Variants in LRRC23 observed in about 807,000 individuals in gnomAD.
LRRC23 encodes the protein leucine-rich repeat-containing protein 23.
LRRC23 carries 28 observed loss-of-function variants against 37.7 expected under a neutral mutation model. The ratio of observed to expected loss-of-function variants is 0.74; its 90% CI spans 0.55 to 1.02. The LOEUF (loss-of-function observed/expected upper bound fraction) is 1.02, where lower values mean the gene tolerates loss of function less well. LRRC23 is among the 50% of genes least tolerant of loss of function. The pLI, the probability that LRRC23 is intolerant of heterozygous loss-of-function variation, is 0.00. For synonymous variants in LRRC23, 161 were observed against 165.4 expected (o/e 0.97, Z 0.20); for missense variants, 377 against 413.2 (o/e 0.91, Z 0.76).
In LRRC23 at chr12:6,913,719, C is replaced by T. The variant is rs569770182; in HGVS notation, c.*25-172C>T. 5.6e-5 allele frequency: 26 copies of T among 461,718 alleles called. 1 individual carries two copies. Among genetic ancestry groups the T allele is most frequent in the African/African-American group, 4.6e-4 (23 of 49,556 alleles). The allele number at this position is 461,718 out of a possible 1,614,324, so 28.6% of individuals were successfully genotyped here. A position where few individuals can be genotyped will look rare whatever the true frequency, so the allele number is the denominator to read the frequency against. ...AGCTGGGACTACAGGCGCATGCAAC[C>T]GCGCCTGGCTAATTTTTGTATTTTT... On this transcript the variant is annotated intron_variant, in intron 7 of 7. Coordinates refer to ENST00000443597, the MANE Select transcript of LRRC23 (RefSeq NM_001135217.2).
In LRRC23 at chr12:6,913,551, G is replaced by GTTTTTTTTTTTTTTTTTTTTTT. The variant is rs1248085636; in HGVS notation, c.*25-337_*25-336insTTTTTTTTTTTTTTTTTTTTTT. Among the ~76,000 whole-genome samples, 21 of 78,174 alleles carry GTTTTTTTTTTTTTTTTTTTTTT rather than the reference G, an allele frequency of 2.7e-4. 7 individuals carry two copies. The highest frequency in any genetic ancestry group is 6.7e-4 in the African/African-American group (13 of 19,546). 51.3% of individuals were successfully genotyped at this position (78,174 alleles called of 152,430 possible). On this transcript the variant is annotated intron_variant, in intron 7 of 7. Transcript: ENST00000443597. ...TAGGGGAGAGGCTTTATTTACCTCT[G>GTTTTTTTTTTTTTTTTTTTTTT]TTTGTTTTTTTTTTTTTTTTTTTTT...
At chr12:6,910,661 T>C (rs1317535237) in intron 6 of LRRC23, among the ~76,000 whole-genome samples, 1 of 152,020 alleles carries the variant, frequency 6.6e-6, no homozygotes, top group Non-Finnish European at 1.5e-5. Context: ...TGAGCTGAGA[T>C]AAAGCCGCTG....
chr12:6,907,510 C>A, intron 5 of LRRC23, 65 bp downstream of exon 5: 1 of 1,520,422 alleles, frequency 6.6e-7, no homozygotes, highest in Non-Finnish European at 9.1e-7. Flanking sequence ...AGGATGCCTG[C>A]TTTCTAGTAG....
rs782122756 is a variant in LRRC23, at chr12:6,913,890, G to A, written c.*25-1G>A. Reference sequence around the variant, plus strand: ...TATTTACTTCTGTCTTCTACCTCCAGGAGATCAAAGACGCTGGCCTTCAGA... The same window carrying A: ...TATTTACTTCTGTCTTCTACCTCCAAGAGATCAAAGACGCTGGCCTTCAGA... On this transcript the variant is annotated splice_acceptor_variant, in intron 7 of 7. Coordinates refer to ENST00000443597, the MANE Select transcript of LRRC23 (RefSeq NM_001135217.2). LOFTEE classifies it low-confidence loss of function (3UTR_SPLICE). 6.3e-7 allele frequency: 1 copy of A among 1,584,638 alleles called. No individual in the cohort carries two copies. The highest frequency in any genetic ancestry group is 8.6e-7 in the Non-Finnish European group (1 of 1,166,686).
At chr12:6,905,353 T>G in intron 1 of LRRC23, 2 of 282,718 alleles carry the variant, frequency 7.1e-6, no homozygotes, top group Non-Finnish European at 1.4e-5. Context: ...AGAGCTGGAG[T>G]CACTGTGAAG....
At chr12:6,909,393 ATAT>A (rs368094405) in intron 5 of LRRC23, among the ~76,000 whole-genome samples, 4,457 of 42,790 alleles carry the variant, frequency 0.1, 331 homozygotes, top group African/African-American at 0.15. Context: ...TAATATATAA[ATAT>A]TATATATAAT....
At chr12:6,906,246 AC>A (rs1358051813) in intron 3 of LRRC23, among the ~76,000 whole-genome samples, 162 bp from the exon 4 acceptor site, 2 of 152,014 alleles carry the variant, frequency 1.3e-5, no homozygotes, top group African/African-American at 4.8e-5. Flanking sequence ...ACTGTTAAGA[AC>A]CCACCTACCT....
At position 6,910,838 on chromosome 12, in the gene LRRC23, G is replaced by A. The variant is rs781807897; in HGVS notation, c.758+812G>A. ...AGGCTGAGGTTGGAGGATCACTTGA[G>A]CCCAGGAGTTCAAGGTTGCAGTGAG... On this transcript the variant is annotated intron_variant, in intron 6 of 7. Coordinates refer to ENST00000443597, the MANE Select transcript of LRRC23 (RefSeq NM_001135217.2). Among the ~76,000 whole-genome samples the A allele has an allele frequency of 3.3e-5, 5 of 151,902 alleles. No homozygotes were observed. The South Asian group carries it at 8.3e-4, about 25-fold the overall frequency.
intron 1 of LRRC23, 200 bp from the exon 2 acceptor site, chr12:6,905,385 T>C: frequency 2.7e-6 from 1 of 376,238 alleles, no homozygotes; most frequent in South Asian, 2.3e-5. Flanking sequence ...CCTGGGGGTG[T>C]GGGTGACATC....
At chr12:6,908,740 C>T (rs1318573624) in intron 5 of LRRC23, among the ~76,000 whole-genome samples, 5 of 149,076 alleles carry the variant, frequency 3.4e-5, no homozygotes, top group East Asian at 2.0e-4. Flanking sequence ...AGGAGAATGG[C>T]GTGAACCCAG....
At chr12:6,911,462 C>T (rs1945158276) in intron 6 of LRRC23, among the ~76,000 whole-genome samples, 1 of 152,014 alleles carries the variant, frequency 6.6e-6, no homozygotes, top group South Asian at 2.1e-4. Flanking sequence ...ATGGACCCTT[C>T]CTGAGTGGCT....
chr12:6,906,999 T>G (rs1239511715), intron 4 of LRRC23, among the ~76,000 whole-genome samples: 1 of 152,120 alleles, frequency 6.6e-6, no homozygotes, highest in Non-Finnish European at 1.5e-5. Context: ...CAGGTGGCAA[T>G]GTCAAATAGA....
At chr12:6,911,925 C>A (rs2238115) in intron 6 of LRRC23, among the ~76,000 whole-genome samples, 44,794 of 151,890 alleles carry the variant, frequency 0.29, 6,661 homozygotes, top group Middle Eastern at 0.39. Flanking sequence ...ATCACTTGAG[C>A]CCAGGAATTC....
intron 5 of LRRC23, 36 bp downstream of exon 5, chr12:6,907,481 G>A (rs1479004764): frequency 3.7e-6 from 6 of 1,612,762 alleles, no homozygotes; most frequent in East Asian, 2.2e-5. Flanking sequence ...GCAGGGAAGA[G>A]GGCACTGTCC....
At chr12:6,909,316 AT>A (rs1945086417) in intron 5 of LRRC23, among the ~76,000 whole-genome samples, 1 of 17,388 alleles carries the variant, frequency 5.8e-5, no homozygotes, top group African/African-American at 6.0e-4. Flanking sequence ...ATAATAGTAT[AT>A]ATTATATATA....
In LRRC23 at chr12:6,907,482, G is replaced by C. The variant is rs1262919071; in HGVS notation, c.621+37G>C. On this transcript the variant is annotated intron_variant, in intron 5 of 7. Coordinates refer to ENST00000443597, the MANE Select transcript of LRRC23 (RefSeq NM_001135217.2). ...GGTCAGAGGGTGGTGCAGGGAAGAG[G>C]GCACTGTCCTGGGGGTCAGGATGCC... 4.3e-6 allele frequency: 7 copies of C among 1,612,386 alleles called. No homozygotes were observed. The African/African-American group carries it at 8.0e-5, about 18-fold the overall frequency.
rs1555139618 is a variant in LRRC23, at chr12:6,906,505, C to T, written c.333C>T (p.Tyr111=). ...TGACAGACCTGTCTCCACTCAACTA[C>T]CTCACCCACCTGCTCTGGCTCAAGG... ...NHLTDLSPLN[Y]LTHLLWLKAD... The change falls in exon 4 of 8, where the codon TAC becomes TAT. Residue 111 remains tyrosine, a synonymous_variant. Coordinates refer to ENST00000443597, the MANE Select transcript of LRRC23 (RefSeq NM_001135217.2). 6.2e-7 allele frequency: 1 copy of T among 1,614,196 alleles called. No homozygotes were observed. Among genetic ancestry groups the T allele is most frequent in the African/African-American group, 1.3e-5 (1 of 75,042 alleles).
At chr12:6,913,699 G>A (rs1395865953) in intron 7 of LRRC23, 192 bp from the exon 8 acceptor site, 6 of 364,034 alleles carry the variant, frequency 1.6e-5, no homozygotes, top group Non-Finnish European at 2.5e-5. Flanking sequence ...CGAGTAGCTG[G>A]GACTACAGGC....
At chr12:6,913,555 G>A (rs10849539) in intron 7 of LRRC23, among the ~76,000 whole-genome samples, 2 of 76,392 alleles carry the variant, frequency 2.6e-5, no homozygotes, top group East Asian at 9.4e-4. Context: ...ACCTCTGTTT[G>A]TTTTTTTTTT....
Sources: gnomAD v4.1 joint callset for allele counts (sites outside exome capture counted in the v4.1 genomes callset) on GRCh38, gnomAD v4.1.1 for gene constraint, MANE v1.5 for transcripts, NCBI Gene and HGNC (gene_info 2026-07-23, HGNC 2026-07-21) for gene names.